Variants in RPH3AL observed in about 807,000 individuals in gnomAD.
The protein encoded by RPH3AL is rab effector Noc2.
RPH3AL carries 38 observed loss-of-function variants against 43.1 expected under a neutral mutation model. That is an observed-to-expected ratio of 0.88 (90% CI 0.68 to 1.15). The LOEUF is 1.15. Among genes scored for constraint, RPH3AL ranks in the 50% most tolerant of loss-of-function variants. The pLI is 0.00. For synonymous variants in RPH3AL, 189 were observed against 176.3 expected, an observed-to-expected ratio of 1.07 and a Z score of -0.57; for missense variants, 462 against 423.2, an observed-to-expected ratio of 1.09 and a Z score of -0.81.
At chr17:313,442 C>G (rs1445070034) in intron 5 of RPH3AL, among the ~76,000 whole-genome samples, 3 of 152,210 alleles carry the variant, frequency 2.0e-5, no homozygotes, top group African/African-American at 7.2e-5. Flanking sequence ...TTGAACATGC[C>G]CAGCTCGTTC....
chr17:336,667 G>GA (rs1339794208), intron 1 of RPH3AL, among the ~76,000 whole-genome samples: 2 of 152,178 alleles, frequency 1.3e-5, no homozygotes, highest in Non-Finnish European at 2.9e-5. Context: ...CCCCTGCTCA[G>GA]AAACCTTCGG....
chr17:263,231 T>C (rs180847974), intron 6 of RPH3AL, among the ~76,000 whole-genome samples: 14 of 152,116 alleles, frequency 9.2e-5, no homozygotes, highest in Non-Finnish European at 1.3e-4. Flanking sequence ...GAGTCAAGGG[T>C]ACCAAAGCTG....
chr17:347,977 G>A (rs147633975), intron 1 of RPH3AL, among the ~76,000 whole-genome samples: 1 of 146,804 alleles, frequency 6.8e-6, no homozygotes, highest in East Asian at 2.0e-4. Context: ...GCCAGCCTGA[G>A]CAAAATAGTG....
intron 1 of RPH3AL, among the ~76,000 whole-genome samples, chr17:334,547 TCTC>T (rs1336826314): frequency 1.5e-5 from 2 of 135,756 alleles, no homozygotes; most frequent in Non-Finnish European, 3.1e-5. Context: ...TGCAGCTCCT[TCTC>T]CCCACGCCTT....
Position 351,247 on chromosome 17 carries a change from G to T in RPH3AL, c.-213+1465C>A, listed in dbSNP as rs147195335. On this transcript the variant is annotated intron_variant, in intron 1 of 9. Coordinates refer to ENST00000331302, the MANE Select transcript of RPH3AL (RefSeq NM_006987.4). ...GGCTTCTTAAACCCTCTTTACCTGG[G>T]CCCTTAACTGGTCATCTGCCTCCAG... 4.5e-4 allele frequency among the ~76,000 whole-genome samples: 68 copies of T among 152,116 alleles called. No homozygotes were observed. In the Middle Eastern group the frequency reaches 0.014, roughly 30 times the overall value.
At chr17:315,716 CCCACCTCTATT>C (rs2044057610) in intron 5 of RPH3AL, among the ~76,000 whole-genome samples, 13 of 50,422 alleles carry the variant, frequency 2.6e-4, no homozygotes, top group East Asian at 6.9e-4. Context: ...GTCCTTGTGC[CCCACCTCTATT>C]GACCCGTAGT....
Position 215,606 on chromosome 17 carries a change from A to C in RPH3AL, c.876+48T>G. On this transcript the variant is annotated intron_variant, in intron 9 of 9. Transcript: ENST00000331302. This position sits in a 1 kb window ranked among gnomAD's most constrained non-coding sequence, Gnocchi z 4.1. ...TTGGGAGGAGTGAGTGAGAGAGGACACGGCCGCGGGGGCAGGAGAGGGGAG... is the reference window on the plus strand; with the variant it reads ...TTGGGAGGAGTGAGTGAGAGAGGACCCGGCCGCGGGGGCAGGAGAGGGGAG... The C allele has an allele frequency of 8.0e-7, 1 of 1,253,738 alleles. No homozygotes were observed. The highest frequency in any genetic ancestry group is 1.0e-6 in the Non-Finnish European group (1 of 994,372). The allele number at this position is 1,253,738 out of a possible 1,614,324, so 77.7% of individuals were successfully genotyped here. A position where few individuals can be genotyped will look rare whatever the true frequency, so the allele number is the denominator to read the frequency against.
At chr17:332,226 C>G (rs375850732) in intron 2 of RPH3AL, 2 of 304,554 alleles carry the variant, frequency 6.6e-6, no homozygotes, top group East Asian at 8.2e-5. Flanking sequence ...AGGGCCAGGT[C>G]TGTCTCTGAG....
At chr17:299,474 G>A (rs531411493) in intron 5 of RPH3AL, among the ~76,000 whole-genome samples, 1 of 152,212 alleles carries the variant, frequency 6.6e-6, no homozygotes, top group Admixed American at 6.5e-5. Flanking sequence ...GGACCCTGGG[G>A]GAAATGAACC....
rs1453337684 is a variant in RPH3AL at position 283,358 on chromosome 17, A to G, written c.352-1504T>C. 6.6e-6 allele frequency among the ~76,000 whole-genome samples: 1 copy of G among 151,980 alleles called. No homozygotes were observed. The highest frequency in any genetic ancestry group is 1.9e-4 in the East Asian group (1 of 5,164). On this transcript the variant is annotated intron_variant, in intron 5 of 9. Coordinates refer to ENST00000331302, the MANE Select transcript of RPH3AL (RefSeq NM_006987.4). This position sits in a 1 kb window ranked among gnomAD's most constrained non-coding sequence, Gnocchi z 4.2. ...CAGTGCCCCTGGGGTGGGGGAGCAA[A>G]CTCACGGGGGACGGAAGCTATGATA...
Position 215,638 on chromosome 17 carries a change from G to A in RPH3AL, c.876+16C>T. The A allele has an allele frequency of 7.9e-7, 1 of 1,265,986 alleles. No individual in the cohort carries two copies. Among genetic ancestry groups the A allele is most frequent in the Non-Finnish European group, 1.0e-6 (1 of 1,000,516 alleles). The allele number at this position is 1,265,986 out of a possible 1,614,324, so 78.4% of individuals were successfully genotyped here. On this transcript the variant is annotated intron_variant, in intron 9 of 9. Coordinates refer to ENST00000331302, the MANE Select transcript of RPH3AL (RefSeq NM_006987.4). The surrounding 1 kb of genome is among the most constrained non-coding windows in gnomAD (Gnocchi z 4.1). ...CGGGGGCAGGAGAGGGGAGAAGGCA[G>A]CAGTTGGGTACTCACCGGGGCCCTT...
At chr17:342,704 AAGGGGG>A (rs2045150213) in intron 1 of RPH3AL, among the ~76,000 whole-genome samples, 1 of 152,166 alleles carries the variant, frequency 6.6e-6, no homozygotes, top group South Asian at 2.1e-4. Context: ...GGGGTCAGGG[AAGGGGG>A]ACAGCAAAAG....
Position 225,266 on chromosome 17 carries a change from T to G in RPH3AL, c.614-5530A>C, listed in dbSNP as rs778619437. 1.3e-4 allele frequency among the ~76,000 whole-genome samples: 19 copies of G among 151,922 alleles called. No homozygotes were observed. Among genetic ancestry groups the G allele is most frequent in the Admixed American group, 7.2e-4 (11 of 15,260 alleles). On this transcript the variant is annotated intron_variant, in intron 7 of 9. Coordinates refer to ENST00000331302, the MANE Select transcript of RPH3AL (RefSeq NM_006987.4). This position sits in a 1 kb window ranked among gnomAD's most constrained non-coding sequence, Gnocchi z 4.4. The stretch of plus-strand genomic sequence containing the variant: ...TTTATGATGCCGCAGCAAGAGGAGA[T>G]GGGGATGGGGCATGGCTGTGGTCCG...
chr17:325,505 T>G (rs1380943375), intron 3 of RPH3AL, among the ~76,000 whole-genome samples: 1 of 151,896 alleles, frequency 6.6e-6, no homozygotes, highest in African/African-American at 2.4e-5. Context: ...TGCTGTTCCT[T>G]CTGCCTGGAA....
intron 3 of RPH3AL, among the ~76,000 whole-genome samples, chr17:325,959 C>G (rs2044609573): frequency 6.6e-6 from 1 of 152,222 alleles, no homozygotes; most frequent in Non-Finnish European, 1.5e-5. Context: ...AAAGCATTCT[C>G]TCTTCCAAAG....
At chr17:229,322 T>C (rs368997474) in intron 7 of RPH3AL, among the ~76,000 whole-genome samples, 8 of 152,328 alleles carry the variant, frequency 5.3e-5, no homozygotes, top group African/African-American at 1.9e-4. Context: ...TCAGCCCCAC[T>C]GCTGGGTTTT....
chr17:235,074 C>T (rs1480207857), intron 7 of RPH3AL, among the ~76,000 whole-genome samples: 1 of 150,216 alleles, frequency 6.7e-6, no homozygotes, highest in Non-Finnish European at 1.5e-5. Context: ...TGGGCGGAGG[C>T]TCTTCACTCA....
intron 1 of RPH3AL, among the ~76,000 whole-genome samples, chr17:344,956 G>A (rs1433964103): frequency 7.4e-6 from 1 of 135,950 alleles, no homozygotes; most frequent in African/African-American, 2.5e-5. Flanking sequence ...ACCTGGCCTT[G>A]CTGAGAGAGG....
intron 1 of RPH3AL, chr17:349,137 AG>A (rs2045306102): frequency 6.6e-6 from 1 of 152,050 alleles, no homozygotes; most frequent in Non-Finnish European, 1.5e-5. Context: ...CAGAGGGAAA[AG>A]GAGGGACTTG....
Sources: gnomAD v4.1 joint callset for allele counts (sites outside exome capture counted in the v4.1 genomes callset) on GRCh38, gnomAD v4.1.1 for gene constraint, Gnocchi (gnomAD v3.1) non-coding constraint, MANE v1.5 for transcripts, NCBI Gene and HGNC (gene_info 2026-07-23, HGNC 2026-07-21) for gene names.